The following CETP variants were observed in gnomAD, a reference collection of about 807,000 sequenced individuals.
CETP encodes BPI fold containing family F.
Under a neutral mutation model 66.5 loss-of-function variants are expected in CETP, and 56 were observed. The observed-to-expected ratio is 0.84, with a 90% confidence interval of 0.68 to 1.05. CETP has a LOEUF of 1.05. Among genes scored for constraint, CETP ranks in the 50% least tolerant of loss-of-function variants. The probability of loss-of-function intolerance (pLI) is 0.00; values close to 1 mark genes in which losing one functional copy is unlikely to be tolerated. For missense variants in CETP, 612 were observed against 609.6 expected, an observed-to-expected ratio of 1.00 and a Z score of -0.04; for synonymous variants, 251 against 245.7, an observed-to-expected ratio of 1.02 and a Z score of -0.20.
At chr16:56,982,603 A>C (rs1373462337) in intron 14 of CETP, among the ~76,000 whole-genome samples, 1 of 152,214 alleles carries the variant, frequency 6.6e-6, no homozygotes, top group Admixed American at 6.5e-5. Context: ...CTGTGAAACA[A>C]GAATGTTGAA....
At chr16:56,978,501 G>A (rs2056166284) in intron 11 of CETP, among the ~76,000 whole-genome samples, 1 of 151,916 alleles carries the variant, frequency 6.6e-6, no homozygotes, top group Non-Finnish European at 1.5e-5. Context: ...TTTTTTTAGA[G>A]ACAGGGTCTC....
At chr16:56,976,645 C>A (rs1328694569) in intron 10 of CETP, among the ~76,000 whole-genome samples, 1 of 151,828 alleles carries the variant, frequency 6.6e-6, no homozygotes, top group Non-Finnish European at 1.5e-5. Context: ...CTGGAAATTT[C>A]TTCATCACTC....
intron 4 of CETP, 27 bp from the exon 5 acceptor site, chr16:56,969,887 C>T: frequency 1.2e-6 from 2 of 1,610,942 alleles, no homozygotes; most frequent in Non-Finnish European, 1.7e-6. Context: ...GGAGGCTGCC[C>T]TGAGGTCATG....
intron 9 of CETP, 123 bp downstream of exon 9, chr16:56,973,633 G>A: frequency 9.3e-7 from 1 of 1,079,034 alleles, no homozygotes; most frequent in Non-Finnish European, 1.4e-6. Flanking sequence ...AACTAAGCTG[G>A]AGCAATAGCA....
At chr16:56,978,326 C>CT in intron 11 of CETP, 71 bp downstream of exon 11, 1 of 1,591,316 alleles carries the variant, frequency 6.3e-7, no homozygotes. Context: ...GGGCAGGGGC[C>CT]TGGGGGTCTC....
chr16:56,981,603 G>A, intron 12 of CETP, 44 bp from the exon 13 acceptor site: 2 of 1,607,774 alleles, frequency 1.2e-6, no homozygotes, highest in African/African-American at 1.3e-5. Context: ...GTTACAGGAG[G>A]GGGCCCAATG....
rs1181043392 is a variant in CETP, at chr16:56,961,986, G to C, written c.7G>C (p.Ala3Pro). The C allele has an allele frequency of 6.2e-7, 1 of 1,613,898 alleles. No homozygotes were observed. The highest frequency in any genetic ancestry group is 1.1e-5 in the South Asian group (1 of 91,082). The change falls in exon 1 of 16, where the codon GCT becomes CCT. Residue 3 changes from alanine to proline, a missense_variant. Ala to Pro is a conservative substitution (Grantham distance 27, BLOSUM62 -1). Transcript: ENST00000200676. The part of the protein sequence containing the change: ML[A>P]ATVLTLALLG... Reference sequence around the variant, plus strand: ...ACACCACTGCCTGATAACCATGCTGGCTGCCACAGTCCTGACCCTGGCCCT... The same window carrying C: ...ACACCACTGCCTGATAACCATGCTGCCTGCCACAGTCCTGACCCTGGCCCT...
chr16:56,980,779 G>A (rs539995225), intron 11 of CETP, among the ~76,000 whole-genome samples: 50 of 152,184 alleles, frequency 3.3e-4, no homozygotes, highest in Middle Eastern at 3.4e-3. Flanking sequence ...AAAATTAGCC[G>A]GACATGGTGG....
In CETP at chr16:56,978,148, A is replaced by T. The variant is rs770547560; in HGVS notation, c.1039A>T (p.Lys347Ter). 1 of 1,614,242 alleles carries T rather than the reference A, an allele frequency of 6.2e-7. No individual in the cohort carries two copies. The highest frequency in any genetic ancestry group is 1.1e-5 in the South Asian group (1 of 91,088). ...CACCGTCCACTGCCTCAAGATGCCC[A>T]AGATCTCCTGCCAAAACAAGGGAGT... The part of the protein sequence containing the change: ...QVTVHCLKMP[K>*]ISCQNKGVVV... The change falls in exon 11 of 16, where the codon AAG becomes TAG. Residue 347 changes from lysine to a stop codon, truncating the protein, a stop_gained. Transcript: ENST00000200676. LOFTEE classifies it high-confidence loss of function.
In CETP at chr16:56,962,992, C is replaced by T. The variant is rs2056035558; in HGVS notation, c.119-18C>T. On this transcript the variant is annotated intron_variant, in intron 1 of 15. Transcript: ENST00000200676. Reference sequence around the variant, plus strand: ...TGGTGTGGGCCTGCAGCCCCTCATCCACTGCCCTCCCCTCTAGTGAACCAC... The same window carrying T: ...TGGTGTGGGCCTGCAGCCCCTCATCTACTGCCCTCCCCTCTAGTGAACCAC... 1 of 1,609,380 alleles carries T rather than the reference C, an allele frequency of 6.2e-7. No individual in the cohort carries two copies. Among genetic ancestry groups the T allele is most frequent in the Non-Finnish European group, 8.5e-7 (1 of 1,175,900 alleles).
At position 56,969,603 on chromosome 16, in the gene CETP, C is replaced by G. The variant is rs373727861; in HGVS notation, c.369-8C>G. On this transcript the variant is annotated splice_region_variant and splice_polypyrimidine_tract_variant and intron_variant, in intron 3 of 15. Coordinates refer to ENST00000200676, the MANE Select transcript of CETP (RefSeq NM_000078.3). ...GAATGAGGGTCCTGGGTCCTTGGCT[C>G]TTTCCAGGCTGGGTATTGATCAGTC... is the stretch of plus-strand genomic sequence containing the variant. The G allele has an allele frequency of 2.2e-5, 35 of 1,614,236 alleles. No homozygotes were observed. In the African/African-American group the frequency reaches 4.0e-4, roughly 18 times the overall value.
intron 4 of CETP, 60 bp downstream of exon 4, chr16:56,969,741 G>A (rs2056095347): frequency 6.3e-7 from 1 of 1,598,892 alleles, no homozygotes; most frequent in Non-Finnish European, 8.5e-7. Context: ...GGCCTCAGCA[G>A]AGGGGGAGGT....
At chr16:56,968,451 T>A (rs1473854635) in intron 2 of CETP, among the ~76,000 whole-genome samples, 2 of 152,200 alleles carry the variant, frequency 1.3e-5, no homozygotes, top group Non-Finnish European at 2.9e-5. Context: ...CCTCCCAAAG[T>A]GCTAGGATTA....
At position 56,972,066 on chromosome 16, in the gene CETP, C is replaced by T. The variant is rs139570047; in HGVS notation, c.733C>T (p.Leu245=). The T allele has an allele frequency of 1.2e-6, 2 of 1,613,926 alleles. No individual in the cohort carries two copies. Among genetic ancestry groups the T allele is most frequent in the African/African-American group, 1.3e-5 (1 of 75,042 alleles). Reference sequence around the variant, plus strand: ...TGATCCCGTCATCACAGCCTCCTACCTGGAGTCCCATCACAAGGTAGGAGT... The same window carrying T: ...TGATCCCGTCATCACAGCCTCCTACTTGGAGTCCCATCACAAGGTAGGAGT... The part of the protein sequence containing the change: ...TGDPVITASY[L]ESHHKGHFIY... The change falls in exon 8 of 16, where the codon CTG becomes TTG. Residue 245 remains leucine (L), a synonymous_variant. Coordinates refer to ENST00000200676, the MANE Select transcript of CETP (RefSeq NM_000078.3).
chr16:56,963,936 TG>T (rs1386421427), intron 2 of CETP, among the ~76,000 whole-genome samples: 1 of 152,010 alleles, frequency 6.6e-6, no homozygotes, highest in Non-Finnish European at 1.5e-5. Context: ...CCCGAAGTGC[TG>T]GGGTTACAGG....
At chr16:56,962,168 C>T (rs2056028272) in intron 1 of CETP, 71 bp downstream of exon 1, 1 of 1,358,360 alleles carries the variant, frequency 7.4e-7, no homozygotes, top group Admixed American at 1.7e-5. Flanking sequence ...AGGAGCCTCC[C>T]TGGCCTGAAG....
Position 56,963,043 on chromosome 16 carries a change from C to A in CETP, c.152C>A (p.Ala51Asp). 1.2e-6 allele frequency: 2 copies of A among 1,614,176 alleles called. No individual in the cohort carries two copies. Among genetic ancestry groups the A allele is most frequent in the Non-Finnish European group, 1.7e-6 (2 of 1,180,014 alleles). ...GAGACTGCCAAGGTGATCCAGACCG[C>A]CTTCCAGCGAGCCAGCTACCCAGAT... ...NHETAKVIQT[A>D]FQRASYPDIT... is the part of the protein sequence containing the mutation. Residue 51 changes from alanine (A) to aspartate (D), a missense_variant, in exon 2 of 16, where the codon GCC becomes GAC. Coordinates refer to ENST00000200676, the MANE Select transcript of CETP (RefSeq NM_000078.3).
At chr16:56,962,921 A>T in intron 1 of CETP, 89 bp from the exon 2 acceptor site, 1 of 1,122,754 alleles carries the variant, frequency 8.9e-7, no homozygotes. Flanking sequence ...CATCTCAGAG[A>T]GGCTGAGTCA....
chr16:56,981,095 G>A (rs1323584989), intron 11 of CETP, 63 bp from the exon 12 acceptor site: 1 of 1,215,898 alleles, frequency 8.2e-7, no homozygotes, highest in Non-Finnish European at 1.2e-6. Flanking sequence ...CCCTGAGCTA[G>A]GAGGGTTGCT....
Sources: gnomAD v4.1 joint callset for allele counts (sites outside exome capture counted in the v4.1 genomes callset) on GRCh38, gnomAD v4.1.1 for gene constraint, MANE v1.5 for transcripts, NCBI Gene and HGNC (gene_info 2026-07-23, HGNC 2026-07-21) for gene names.